The following ZNFX1 variants were observed in gnomAD, a reference collection of about 807,000 sequenced individuals.
ZNFX1 encodes the protein NFX1-type zinc finger-containing protein 1.
A neutral mutation model predicts 179.8 loss-of-function variants in ZNFX1; 78 were observed. The observed-to-expected ratio is 0.43, with a 90% CI of 0.36 to 0.52. The LOEUF (loss-of-function observed/expected upper bound fraction) is 0.52. Ranked by LOEUF, ZNFX1 falls within the 20% of genes least tolerant of loss-of-function variation. ZNFX1 has a pLI of 0.00. For missense variants in ZNFX1, 1,927 were observed against 2,386.6 expected (o/e 0.81, Z 4.01); for synonymous variants, 848 against 868.5 (o/e 0.98, Z 0.42).
At chr20:49,266,098 C>A in intron 4 of ZNFX1, 37 bp downstream of exon 4, 1 of 1,598,194 alleles carries the variant, frequency 6.3e-7, no homozygotes, top group South Asian at 1.1e-5. Flanking sequence ...CAATCATCAA[C>A]ATCTTGATAG....
chr20:49,261,958 A>G (rs1981124189), intron 6 of ZNFX1, among the ~76,000 whole-genome samples: 1 of 151,642 alleles, frequency 6.6e-6, no homozygotes, highest in Admixed American at 6.6e-5. Flanking sequence ...TCATGACACA[A>G]GTTTACCTAC....
At chr20:49,269,804 T>G (rs564367488) in intron 3 of ZNFX1, 138 bp downstream of exon 3, 247 of 1,035,742 alleles carry the variant, frequency 2.4e-4, no homozygotes, top group Non-Finnish European at 2.2e-4. Flanking sequence ...AACCTGCACA[T>G]GTACCCCTAA....
At chr20:49,269,808 C>T (rs993104272) in intron 3 of ZNFX1, 134 bp downstream of exon 3, 2 of 1,067,750 alleles carry the variant, frequency 1.9e-6, no homozygotes, top group African/African-American at 1.6e-5. Flanking sequence ...TGCACATGTA[C>T]CCCTAAACCT....
chr20:49,264,671 AG>A lies in ZNFX1; in HGVS notation c.2151+44del, dbSNP rs751563940. 3.1e-6 allele frequency: 5 copies of A among 1,602,730 alleles called. No individual in the cohort carries two copies. In the African/African-American group the frequency reaches 6.7e-5, roughly 21 times the overall value. ...CCAGAAAGCCACTGCTATCTTGTTT[AG>A]GTCCCTCTTGAACTACCCCAGATAT... is the stretch of plus-strand genomic sequence containing the variant. On this transcript the variant is annotated intron_variant, in intron 5 of 13. Transcript: ENST00000396105.
intron 11 of ZNFX1, 96 bp downstream of exon 11, chr20:49,253,570 A>G: frequency 1.4e-6 from 2 of 1,447,530 alleles, no homozygotes; most frequent in South Asian, 2.6e-5. Context: ...AGCTACTAAT[A>G]AGCTTGAGGA....
At position 49,271,556 on chromosome 20, in the gene ZNFX1, C is replaced by T; in HGVS notation, c.256G>A (p.Gly86Arg). 2 of 1,614,146 alleles carry T rather than the reference C, an allele frequency of 1.2e-6. No individual in the cohort carries two copies. Among genetic ancestry groups the T allele is most frequent in the Non-Finnish European group, 1.7e-6 (2 of 1,180,028 alleles). The change falls in exon 3 of 14, where the codon GGG becomes AGG. Residue 86 changes from glycine (G) to arginine (R), a missense_variant. Transcript: ENST00000396105. ...TCTCTAGCTTCGTCGCTGGCATGCC[C>T]CTCCTGGTTCCTCCTTCCTTGATGT... The part of the protein sequence containing the change: ...NPHQGRRNQE[G>R]HASDEARDQR...
chr20:49,255,895 C>T lies in ZNFX1; in HGVS notation c.2717G>A (p.Arg906His), dbSNP rs746131131. The part of the protein sequence containing the change: ...KMKKRVKDEL[R>H]KLNTMTAAEA... ...GGCTGCAGTCATGGTGTTCAGTTTG[C>T]GAAGCTCATCCTTCACTCTTTTTTT... The change falls in exon 9 of 14, where the codon CGC (arginine) becomes CAC (histidine). Residue 906 changes from arginine to histidine, a missense_variant. Arg to His is a conservative substitution (Grantham distance 29). Transcript: ENST00000396105. The T allele has an allele frequency of 3.1e-6, 5 of 1,614,108 alleles. No individual in the cohort carries two copies. The highest frequency in any genetic ancestry group is 3.3e-5 in the Admixed American group (2 of 60,010).
chr20:49,277,442 G>T (rs1464464130), intron 1 of ZNFX1, among the ~76,000 whole-genome samples: 1 of 150,736 alleles, frequency 6.6e-6, no homozygotes, highest in Non-Finnish European at 1.5e-5. Context: ...GCTGAAGGGG[G>T]TGCCGAGGTG....
rs1980678149 is a variant in ZNFX1, at chr20:49,246,622, G to T, written c.*645C>A. The T allele has an allele frequency of 3.1e-6, 1 of 326,176 alleles. No individual in the cohort carries two copies. The highest frequency in any genetic ancestry group is 2.2e-5 in the African/African-American group (1 of 45,266). The allele number at this position is 326,176 out of a possible 1,614,324, so 20.2% of individuals were successfully genotyped here. ...AATGAGCTCATACTCTGTTCCTGGGGAACAATGTAGAATAAACATCTGACC... is the reference window on the plus strand; with the variant it reads ...AATGAGCTCATACTCTGTTCCTGGGTAACAATGTAGAATAAACATCTGACC... On this transcript the variant is annotated 3_prime_UTR_variant, in exon 14 of 14. Transcript: ENST00000396105.
At chr20:49,275,068 A>G (rs1981518185) in intron 2 of ZNFX1, among the ~76,000 whole-genome samples, 1 of 151,780 alleles carries the variant, frequency 6.6e-6, no homozygotes, top group African/African-American at 2.4e-5. Flanking sequence ...GCTTGCAGTG[A>G]GCAGAGATCG....
Position 49,249,496 on chromosome 20 carries a change from A to G in ZNFX1, c.3528T>C (p.Phe1176=), listed in dbSNP as rs199628382. 26 of 1,614,218 alleles carry G rather than the reference A, an allele frequency of 1.6e-5. No individual in the cohort carries two copies. Among genetic ancestry groups the G allele is most frequent in the South Asian group, 2.2e-5 (2 of 91,078 alleles). The change falls in exon 14 of 14, where the codon TTT becomes TTC. Residue 1176 remains phenylalanine, a synonymous_variant. Coordinates refer to ENST00000396105, the MANE Select transcript of ZNFX1 (RefSeq NM_021035.3). ...CCACAACATGGACCCTGACGCCAGC[A>G]AATGTCTTGGCAGGCATCAGTTTGC... The part of the protein sequence containing the change: ...CLRKLMPAKT[F]AGVRVHVVDK...
rs1274364970 is a variant in ZNFX1, at chr20:49,271,115, T to C, written c.697A>G (p.Ile233Val). The change falls in exon 3 of 14, where the codon ATC becomes GTC. Residue 233 changes from isoleucine to valine, a missense_variant. Transcript: ENST00000396105. ...GGATACTGGTTTCGGATGTCAGGGA[T>C]GGGTTCAGTGATCATCCCTACCACA... ...AYVVGMITEPIPDIRNQYPEH... is the reference protein window; with the variant it reads ...AYVVGMITEPVPDIRNQYPEH... The C allele has an allele frequency of 6.2e-7, 1 of 1,614,018 alleles. No individual in the cohort carries two copies.
Position 49,255,889 on chromosome 20 carries a change from A to C in ZNFX1, c.2723T>G (p.Leu908Arg). The C allele has an allele frequency of 6.2e-7, 1 of 1,614,162 alleles. No individual in the cohort carries two copies. Among genetic ancestry groups the C allele is most frequent in the South Asian group, 1.1e-5 (1 of 91,078 alleles). ...GGCCTCGGCTGCAGTCATGGTGTTCAGTTTGCGAAGCTCATCCTTCACTCT... is the reference window on the plus strand; with the variant it reads ...GGCCTCGGCTGCAGTCATGGTGTTCCGTTTGCGAAGCTCATCCTTCACTCT... ...KKRVKDELRK[L>R]NTMTAAEANE... The change falls in exon 9 of 14, where the codon CTG becomes CGG. Residue 908 changes from leucine to arginine, a missense_variant. Leu to Arg is a moderately radical substitution (Grantham distance 102). Coordinates refer to ENST00000396105, the MANE Select transcript of ZNFX1 (RefSeq NM_021035.3).
rs3746554 is a variant in ZNFX1, at chr20:49,270,339, T to C, written c.1473A>G (p.Gln491=). 0.02 allele frequency: 32,591 copies of C among 1,614,170 alleles called. 722 individuals are homozygous for C. The highest frequency in any genetic ancestry group is 0.088 in the East Asian group (3,944 of 44,890). The stretch of plus-strand genomic sequence containing the variant: ...AGGGCTGGACCTCTGCTAGCAGCTG[T>C]TGGCTTTGCTCATTGAAGCAGAGCT... ...IVQLCFNEQS[Q]QLLAEVQPSD... Residue 491 remains glutamine (Q), a synonymous_variant, in exon 3 of 14, where the codon CAA becomes CAG. Coordinates refer to ENST00000396105, the MANE Select transcript of ZNFX1 (RefSeq NM_021035.3). The surrounding 1 kb of genome is among the most constrained non-coding windows in gnomAD (Gnocchi z 4.6).
chr20:49,270,058 A>G lies in ZNFX1; in HGVS notation c.1754T>C (p.Leu585Ser). The G allele has an allele frequency of 1.2e-6, 2 of 1,614,228 alleles. No homozygotes were observed. Among genetic ancestry groups the G allele is most frequent in the Non-Finnish European group, 1.7e-6 (2 of 1,180,038 alleles). The change falls in exon 3 of 14, where the codon TTA becomes TCA. Residue 585 changes from leucine (L) to serine (S), a missense_variant. Coordinates refer to ENST00000396105, the MANE Select transcript of ZNFX1 (RefSeq NM_021035.3). This position sits in a 1 kb window ranked among gnomAD's most constrained non-coding sequence, Gnocchi z 4.6. ...TTTTGAGGGCCACTGGCCAGGATCT[A>G]AGACATTAATTCTGGGATGTCTCAA... Reference protein sequence around the residue: ...EGLRHPRINVLDPGQWPSKEA... With the variant: ...EGLRHPRINVSDPGQWPSKEA...
intron 6 of ZNFX1, 69 bp from the exon 7 acceptor site, chr20:49,260,646 A>G (rs1313411821): frequency 6.8e-6 from 8 of 1,177,120 alleles, no homozygotes; most frequent in Non-Finnish European, 9.6e-6. Flanking sequence ...GTCTCCTCAA[A>G]GAATCAAAAG....
At position 49,271,379 on chromosome 20, in the gene ZNFX1, C is replaced by T; in HGVS notation, c.433G>A (p.Gly145Ser). Reference protein sequence around the residue: ...TEQPQQAKKLGYKFLESLLQK... With the variant: ...TEQPQQAKKLSYKFLESLLQK... ...AGAAGACTTTCTAAGAACTTGTAGC[C>T]CAGTTTCTTCGCCTGCTGTGGCTGT... The change falls in exon 3 of 14, where the codon GGC (glycine) becomes AGC (serine). Residue 145 changes from glycine (G) to serine (S), a missense_variant. Physicochemically the swap from Gly to Ser is moderately conservative, Grantham distance 56. Transcript: ENST00000396105. The T allele has an allele frequency of 6.2e-7, 1 of 1,614,138 alleles. No individual in the cohort carries two copies.
chr20:49,264,297 C>T (rs1189275671), intron 5 of ZNFX1, among the ~76,000 whole-genome samples: 1 of 152,198 alleles, frequency 6.6e-6, no homozygotes, highest in Non-Finnish European at 1.5e-5. Context: ...ACCTACACAA[C>T]AGAAAAACAA....
Position 49,275,824 on chromosome 20 carries a change from G to A in ZNFX1, c.16C>T (p.Pro6Ser), listed in dbSNP as rs776249442. 1 of 1,614,122 alleles carries A rather than the reference G, an allele frequency of 6.2e-7. No individual in the cohort carries two copies. Among genetic ancestry groups the A allele is most frequent in the African/African-American group, 1.3e-5 (1 of 75,012 alleles). Reference protein sequence around the residue: MEERRPHLDARPRNSH... With the variant: MEERRSHLDARPRNSH... ...TTCCTGGGCCTGGCATCCAGATGAG[G>A]TCTTCTCTCCTCCATGTCTGAGTCA... Residue 6 changes from proline to serine, a missense_variant, in exon 2 of 14, where the codon CCT (proline) becomes TCT (serine). Pro to Ser is a moderately conservative substitution (Grantham distance 74). Transcript: ENST00000396105.
Sources: allele counts gnomAD v4.1 joint callset (sites outside exome capture counted in the v4.1 genomes callset), GRCh38; gene constraint gnomAD v4.1.1; non-coding constraint Gnocchi (gnomAD v3.1); transcripts MANE v1.5; gene names NCBI Gene and HGNC (gene_info 2026-07-23, HGNC 2026-07-21).